Variants in IGF1R observed in about 807,000 individuals in gnomAD.
IGF1R encodes insulin-like growth factor 1 receptor.
Under a neutral mutation model 144.6 loss-of-function variants are expected in IGF1R, and 44 were observed. The ratio of observed to expected loss-of-function variants is 0.30; its 90% CI spans 0.24 to 0.39. The LOEUF (loss-of-function observed/expected upper bound fraction) is 0.39. Among genes scored for constraint, IGF1R ranks in the 10% least tolerant of loss-of-function variants. The pLI is 1.00. For synonymous variants in IGF1R, 795 were observed against 722.8 expected (o/e 1.10, Z -1.60); for missense variants, 1,355 against 1,833.7 (o/e 0.74, Z 4.77).
At chr15:98,809,682 TTTG>T (rs1361868396) in intron 2 of IGF1R, among the ~76,000 whole-genome samples, 1 of 152,206 alleles carries the variant, frequency 6.6e-6, no homozygotes, top group African/African-American at 2.4e-5. Context: ...CAAGAAAATG[TTTG>T]TTGGTTCTGT....
rs559543948 is a variant in IGF1R at position 98,822,998 on chromosome 15, T to A, written c.641-68327T>A. ...TGAAAACAAACTTTGAGGATTTTTA[T>A]TGAAGTCCATCAGTTTTAACTTACT... On this transcript the variant is annotated intron_variant, in intron 2 of 20. Transcript: ENST00000650285. Among the ~76,000 whole-genome samples the A allele has an allele frequency of 2.0e-5, 3 of 152,364 alleles. No homozygotes were observed. The South Asian group carries it at 6.2e-4, about 32-fold the overall frequency.
chr15:98,945,045 C>T (rs2016499685), intron 19 of IGF1R, among the ~76,000 whole-genome samples: 1 of 152,220 alleles, frequency 6.6e-6, no homozygotes, highest in Non-Finnish European at 1.5e-5. Flanking sequence ...GGCCCTTGGG[C>T]ACTGTGGCTG....
intron 2 of IGF1R, among the ~76,000 whole-genome samples, chr15:98,787,424 G>T (rs1323695862): frequency 1.3e-5 from 2 of 152,198 alleles, no homozygotes; most frequent in Admixed American, 6.5e-5. Context: ...AAATCCTGAA[G>T]GCGTTGGAGC....
intron 1 of IGF1R, among the ~76,000 whole-genome samples, chr15:98,663,321 A>G (rs1316534154): frequency 6.6e-6 from 1 of 152,176 alleles, no homozygotes. Flanking sequence ...CCGAGGAGAC[A>G]CCTGGCACTT....
intron 2 of IGF1R, among the ~76,000 whole-genome samples, chr15:98,790,464 C>T (rs769736919): frequency 2.0e-5 from 3 of 152,196 alleles, no homozygotes; most frequent in Admixed American, 6.5e-5. Context: ...ATGCAGTTTG[C>T]ACTTGCAAAG....
intron 5 of IGF1R, among the ~76,000 whole-genome samples, chr15:98,905,630 C>G (rs897816822): frequency 3.3e-5 from 5 of 151,318 alleles, no homozygotes; most frequent in African/African-American, 9.7e-5. Context: ...CACCACTGCA[C>G]CCCAACCTGG....
chr15:98,909,639 C>T (rs2014912748), intron 6 of IGF1R, among the ~76,000 whole-genome samples: 2 of 152,190 alleles, frequency 1.3e-5, no homozygotes, highest in South Asian at 4.1e-4. Flanking sequence ...GAAGCACAGG[C>T]CTGTGGGGTG....
intron 2 of IGF1R, among the ~76,000 whole-genome samples, chr15:98,840,146 ACAG>A (rs1393027946): frequency 6.6e-6 from 1 of 152,116 alleles, no homozygotes; most frequent in African/African-American, 2.4e-5. Context: ...CTTTGCTAGC[ACAG>A]TGAGTGCAGG....
intron 2 of IGF1R, among the ~76,000 whole-genome samples, chr15:98,854,949 C>CA (rs978669762): frequency 2.0e-5 from 3 of 151,842 alleles, no homozygotes; most frequent in African/African-American, 7.3e-5. Flanking sequence ...CTGCCCCCCC[C>CA]AACACATGTG....
chr15:98,656,562 A>G (rs2052489869), intron 1 of IGF1R, among the ~76,000 whole-genome samples: 1 of 152,042 alleles, frequency 6.6e-6, no homozygotes, highest in Admixed American at 6.6e-5. Flanking sequence ...CACAAAATAC[A>G]TATATAAAAA....
At chr15:98,751,694 A>C (rs1596267321) in intron 2 of IGF1R, among the ~76,000 whole-genome samples, 1 of 152,194 alleles carries the variant, frequency 6.6e-6, no homozygotes, top group Non-Finnish European at 1.5e-5. Flanking sequence ...GAAAGGTATC[A>C]GTTTAAAGCT....
In IGF1R at chr15:98,964,417, AAG is replaced by A. The variant is rs367849737; in HGVS notation, c.*6977_*6978del. On this transcript the variant is annotated 3_prime_UTR_variant, in exon 21 of 21. Transcript: ENST00000650285. ...TCTGGATTCTTTACATAATGGAAAAAAGAAACTGTCTATTTTGAATGGCTGAA... is the reference window on the plus strand; with the variant it reads ...TCTGGATTCTTTACATAATGGAAAAAAAACTGTCTATTTTGAATGGCTGAA... 7.7e-4 allele frequency: 176 copies of A among 228,158 alleles called. 2 individuals are homozygous for A. The highest frequency in any genetic ancestry group is 3.5e-3 in the African/African-American group (156 of 44,094). The allele number at this position is 228,158 out of a possible 1,614,324, so 14.1% of individuals were successfully genotyped here.
At chr15:98,861,951 A>G (rs1007370389) in intron 2 of IGF1R, among the ~76,000 whole-genome samples, 13 of 152,180 alleles carry the variant, frequency 8.5e-5, no homozygotes, top group Non-Finnish European at 1.8e-4. Context: ...TTTGGCCTCA[A>G]TTTTTTGTTA....
chr15:98,768,631 T>C (rs1415812899), intron 2 of IGF1R, among the ~76,000 whole-genome samples: 1 of 88,912 alleles, frequency 1.1e-5, no homozygotes, highest in African/African-American at 4.1e-5. Context: ...AAAAAAAAAA[T>C]GCCCACAACT....
At chr15:98,652,513 G>A (rs763237463) in intron 1 of IGF1R, among the ~76,000 whole-genome samples, 4 of 152,192 alleles carry the variant, frequency 2.6e-5, no homozygotes, top group African/African-American at 9.7e-5. Flanking sequence ...TTGTGGAAGG[G>A]TGGGGTTTGT....
At chr15:98,913,516 A>G (rs1157526625) in intron 8 of IGF1R, among the ~76,000 whole-genome samples, 1 of 152,200 alleles carries the variant, frequency 6.6e-6, no homozygotes. Flanking sequence ...CTGTGAGCCC[A>G]GGTCCTCCAG....
At chr15:98,784,044 A>AG (rs1342371782) in intron 2 of IGF1R, among the ~76,000 whole-genome samples, 4 of 125,504 alleles carry the variant, frequency 3.2e-5, no homozygotes, top group African/African-American at 1.3e-4. Context: ...GCGCAGTCTC[A>AG]GCTCACTGCA....
intron 11 of IGF1R, 73 bp downstream of exon 11, chr15:98,922,504 C>T: frequency 6.5e-7 from 1 of 1,543,676 alleles, no homozygotes; most frequent in Non-Finnish European, 8.8e-7. Flanking sequence ...TTTATGGACA[C>T]AGGGTCTGAC....
rs748112364 is a variant in IGF1R, at chr15:98,922,394, C to T, written c.2448C>T (p.Ser816=). Residue 816 remains serine (S), a synonymous_variant, in exon 11 of 21, where the codon AGC becomes AGT. Coordinates refer to ENST00000650285, the MANE Select transcript of IGF1R (RefSeq NM_000875.5). ...ACGAGGCTGAGAAGCTGGGCTGCAG[C>T]GCCTCCAACTTCGTCTTTGCAAGGA... ...CNHEAEKLGC[S]ASNFVFARTM... is the part of the protein sequence containing the mutation. 1.1e-5 allele frequency: 18 copies of T among 1,613,540 alleles called. No individual in the cohort carries two copies. The highest frequency in any genetic ancestry group is 3.3e-5 in the Admixed American group (2 of 60,008).
Sources: gnomAD v4.1 joint callset for allele counts (sites outside exome capture counted in the v4.1 genomes callset) on GRCh38, gnomAD v4.1.1 for gene constraint, MANE v1.5 for transcripts, NCBI Gene and HGNC (gene_info 2026-07-23, HGNC 2026-07-21) for gene names.